The following PARD3B variants were observed in gnomAD, a reference collection of about 807,000 sequenced individuals.
PARD3B encodes the protein partitioning defective 3 homolog B.
In PARD3B, 103 loss-of-function variants were observed where a neutral mutation model predicts 130.2. The ratio of observed to expected loss-of-function variants is 0.79; its 90% CI spans 0.67 to 0.93. PARD3B has a LOEUF of 0.93. Among genes scored for constraint, PARD3B ranks in the 40% least tolerant of loss-of-function variants. PARD3B has a pLI of 0.00. For synonymous variants in PARD3B, 583 were observed against 553.2 expected (o/e 1.05, Z -0.76); for missense variants, 1,609 against 1,499.2 (o/e 1.07, Z -1.21).
At chr2:205,376,512 T>C (rs1157408957) in intron 18 of PARD3B, among the ~76,000 whole-genome samples, 2 of 152,206 alleles carry the variant, frequency 1.3e-5, no homozygotes, top group South Asian at 2.1e-4. Context: ...ACGTGAGGTA[T>C]TGGGAGAAGT....
At chr2:204,821,167 A>C (rs776172459) in intron 2 of PARD3B, among the ~76,000 whole-genome samples, 1 of 152,296 alleles carries the variant, frequency 6.6e-6, no homozygotes, top group Non-Finnish European at 1.5e-5. Flanking sequence ...TGTAGGTCCC[A>C]TAATTCCCAC....
At position 205,352,163 on chromosome 2, in the gene PARD3B, C is replaced by G. The variant is rs988185829; in HGVS notation, c.2631-48850C>G. Among the ~76,000 whole-genome samples, 1 of 151,994 alleles carries G rather than the reference C, an allele frequency of 6.6e-6. No individual in the cohort carries two copies. Among genetic ancestry groups the G allele is most frequent in the Non-Finnish European group, 1.5e-5 (1 of 68,018 alleles). On this transcript the variant is annotated intron_variant, in intron 18 of 22. Coordinates refer to ENST00000406610, the MANE Select transcript of PARD3B (RefSeq NM_001302769.2). The surrounding 1 kb of genome is among the most constrained non-coding windows in gnomAD (Gnocchi z 5.2). Reference sequence around the variant, plus strand: ...TTGAGCTTAGTGCTTTTTGTAGGGTCGGCATATTATAGGTTTCCCTCATAA... The same window carrying G: ...TTGAGCTTAGTGCTTTTTGTAGGGTGGGCATATTATAGGTTTCCCTCATAA...
intron 20 of PARD3B, among the ~76,000 whole-genome samples, chr2:205,481,964 G>A (rs967858662): frequency 1.3e-5 from 2 of 152,214 alleles, no homozygotes; most frequent in African/African-American, 4.8e-5. Context: ...AAGTTCAAGT[G>A]TGGAGCAAGG....
chr2:205,041,745 C>G (rs886397698), intron 3 of PARD3B, among the ~76,000 whole-genome samples: 8 of 152,044 alleles, frequency 5.3e-5, no homozygotes, highest in African/African-American at 1.9e-4. Flanking sequence ...AAATAAATCC[C>G]TGCTGCTACT....
At chr2:205,522,263 G>A (rs901020806) in intron 21 of PARD3B, among the ~76,000 whole-genome samples, 10 of 151,394 alleles carry the variant, frequency 6.6e-5, no homozygotes, top group African/African-American at 1.9e-4. Context: ...ACTTCTGGAA[G>A]TGATAATAAG....
At chr2:204,553,506 A>G (rs776837482) in intron 1 of PARD3B, among the ~76,000 whole-genome samples, 21 of 149,846 alleles carry the variant, frequency 1.4e-4, no homozygotes, top group Non-Finnish European at 2.8e-4. Flanking sequence ...CCAAATGCCC[A>G]CCAGTCAACG....
chr2:205,451,350 C>G (rs1165104523), intron 20 of PARD3B, among the ~76,000 whole-genome samples: 1 of 143,602 alleles, frequency 7.0e-6, no homozygotes, highest in East Asian at 1.9e-4. Context: ...AAGATTTACT[C>G]TAGTGGCAAA....
At chr2:205,136,318 A>G (rs1390321006) in intron 10 of PARD3B, among the ~76,000 whole-genome samples, 1 of 152,116 alleles carries the variant, frequency 6.6e-6, no homozygotes, top group Non-Finnish European at 1.5e-5. Flanking sequence ...TCTCAATTAT[A>G]TAGAACTTAT....
intron 2 of PARD3B, among the ~76,000 whole-genome samples, chr2:204,941,785 C>T (rs1454602262): frequency 1.3e-5 from 2 of 152,024 alleles, no homozygotes; most frequent in East Asian, 3.9e-4. Context: ...TCCTTGAAAA[C>T]TGAATTTCAT....
chr2:204,749,965 AACTT>A (rs1348332771), intron 2 of PARD3B, among the ~76,000 whole-genome samples: 7 of 152,212 alleles, frequency 4.6e-5, no homozygotes, highest in Admixed American at 2.0e-4. Flanking sequence ...TTCTAAAATT[AACTT>A]ACTTGTTAAC....
chr2:204,869,914 G>A (rs539447051), intron 2 of PARD3B, among the ~76,000 whole-genome samples: 1 of 152,248 alleles, frequency 6.6e-6, no homozygotes, highest in African/African-American at 2.4e-5. Flanking sequence ...AATGGCTGCA[G>A]GTGAGTGATA....
At chr2:204,776,513 ATTAG>A (rs1432113777) in intron 2 of PARD3B, among the ~76,000 whole-genome samples, 1 of 152,074 alleles carries the variant, frequency 6.6e-6, no homozygotes, top group African/African-American at 2.4e-5. Flanking sequence ...ATTTTATTAT[ATTAG>A]TTAGTTCTTA....
At chr2:204,601,904 A>T (rs553915021) in intron 1 of PARD3B, among the ~76,000 whole-genome samples, 88 of 152,158 alleles carry the variant, frequency 5.8e-4, no homozygotes, top group African/African-American at 2.0e-3. Context: ...AATGAAGTTG[A>T]TATAAGCTGT....
intron 18 of PARD3B, among the ~76,000 whole-genome samples, chr2:205,332,966 A>G (rs930993559): frequency 6.6e-6 from 1 of 152,218 alleles, no homozygotes; most frequent in African/African-American, 2.4e-5. Flanking sequence ...CAGTTTTTCT[A>G]TTTTATTTTT....
chr2:205,537,963 G>C (rs1232367937), intron 21 of PARD3B, among the ~76,000 whole-genome samples: 1 of 152,080 alleles, frequency 6.6e-6, no homozygotes, highest in Non-Finnish European at 1.5e-5. Context: ...GTTTTCTGTG[G>C]GTAGTTGAGG....
intron 1 of PARD3B, among the ~76,000 whole-genome samples, chr2:204,573,841 G>A (rs1274981008): frequency 6.6e-6 from 1 of 152,166 alleles, no homozygotes; most frequent in Non-Finnish European, 1.5e-5. Context: ...CATCACCTCT[G>A]TCACTGTGGC....
At chr2:205,079,317 G>C (rs1029739913) in intron 4 of PARD3B, among the ~76,000 whole-genome samples, 1 of 152,278 alleles carries the variant, frequency 6.6e-6, no homozygotes, top group Admixed American at 6.5e-5. Context: ...AAATACCCGA[G>C]ACTAGGTAAT....
At chr2:205,088,800 C>CT (rs34435799) in intron 4 of PARD3B, among the ~76,000 whole-genome samples, 86,777 of 146,642 alleles carry the variant, frequency 0.59, 26,062 homozygotes, top group Middle Eastern at 0.76. Context: ...TTATGACTGT[C>CT]TTTTTTTTTT....
At chr2:205,533,433 T>TG in intron 21 of PARD3B, among the ~76,000 whole-genome samples, 1 of 152,204 alleles carries the variant, frequency 6.6e-6, no homozygotes, top group East Asian at 1.9e-4. Flanking sequence ...AAAATTTTCA[T>TG]GGGTTAATTC....
Sources: gnomAD v4.1 joint callset for allele counts (sites outside exome capture counted in the v4.1 genomes callset) on GRCh38, gnomAD v4.1.1 for gene constraint, Gnocchi (gnomAD v3.1) non-coding constraint, MANE v1.5 for transcripts, NCBI Gene and HGNC (gene_info 2026-07-23, HGNC 2026-07-21) for gene names.